BAZ1B: variants seen among roughly 807,000 people sequenced by gnomAD.
The protein encoded by BAZ1B is tyrosine-protein kinase BAZ1B.
A neutral mutation model predicts 153.8 loss-of-function variants in BAZ1B; 22 were observed. That is an observed-to-expected ratio of 0.14 (90% CI 0.10 to 0.20). The LOEUF is 0.20. Among genes scored for constraint, BAZ1B ranks in the 10% least tolerant of loss-of-function variants. BAZ1B has a pLI of 1.00. For synonymous variants in BAZ1B, 676 were observed against 633.4 expected, an observed-to-expected ratio of 1.07 and a Z score of -1.01; for missense variants, 1,325 against 1,799.3, an observed-to-expected ratio of 0.74 and a Z score of 4.77.
At chr7:73,447,189 G>A (rs1787869108) in intron 16 of BAZ1B, 75 bp downstream of exon 16, 2 of 1,610,936 alleles carry the variant, frequency 1.2e-6, no homozygotes, top group East Asian at 4.5e-5. Flanking sequence ...ACTACCTACT[G>A]CCAAGCCAGC....
At chr7:73,506,670 G>A (rs189428231) in intron 3 of BAZ1B, among the ~76,000 whole-genome samples, 8 of 149,860 alleles carry the variant, frequency 5.3e-5, no homozygotes, top group Non-Finnish European at 1.2e-4. Context: ...TGACCAACAT[G>A]GAGAGAACCC....
At position 73,478,357 on chromosome 7, in the gene BAZ1B, T is replaced by C; in HGVS notation, c.1104A>G (p.Glu368=). 3.1e-6 allele frequency: 5 copies of C among 1,612,328 alleles called. No individual in the cohort carries two copies. Among genetic ancestry groups the C allele is most frequent in the Non-Finnish European group, 4.2e-6 (5 of 1,179,638 alleles). ...NSKSPEEHLE[E]MMKMMSPNKL... ...TATTGGGCGACATCATCTTCATCAT[T>C]TCTTCTAGATGTTCTTCAGGAGATT... The change falls in exon 7 of 20, where the codon GAA becomes GAG. Residue 368 remains glutamate, a synonymous_variant. Transcript: ENST00000339594.
intron 1 of BAZ1B, among the ~76,000 whole-genome samples, chr7:73,517,177 C>A (rs1310520906): frequency 6.7e-6 from 1 of 148,928 alleles, no homozygotes; most frequent in African/African-American, 2.5e-5. Context: ...AGCAATAACC[C>A]AGCTCAAAAA....
In BAZ1B at chr7:73,440,602, G is replaced by A. The variant is rs1402217201; in HGVS notation, c.*1107C>T. On this transcript the variant is annotated 3_prime_UTR_variant, in exon 20 of 20. Coordinates refer to ENST00000339594, the MANE Select transcript of BAZ1B (RefSeq NM_032408.4). The stretch of plus-strand genomic sequence containing the variant: ...AGACTGGATGTAGGAGGCAGGGGAA[G>A]CTGGCGGTGGTGGGGTTATGAAGCT... 6.6e-6 allele frequency: 1 copy of A among 152,188 alleles called. No individual in the cohort carries two copies. Among genetic ancestry groups the A allele is most frequent in the African/African-American group, 2.4e-5 (1 of 41,448 alleles). The allele number at this position is 152,188 out of a possible 1,614,324, so 9.4% of individuals were successfully genotyped here. A position where few individuals can be genotyped will look rare whatever the true frequency, so the allele number is the denominator to read the frequency against.
At chr7:73,470,847 C>T (rs782571199) in intron 7 of BAZ1B, among the ~76,000 whole-genome samples, 8 of 152,100 alleles carry the variant, frequency 5.3e-5, no homozygotes, top group Non-Finnish European at 8.8e-5. Flanking sequence ...GCAATTCTCC[C>T]GCCTCAGCCT....
Position 73,478,548 on chromosome 7 carries a change from T to C in BAZ1B, c.913A>G (p.Thr305Ala). The change falls in exon 7 of 20, where the codon ACT becomes GCT. Residue 305 changes from threonine (T) to alanine (A), a missense_variant. Around this residue, in one of 9 missense-constraint regions of BAZ1B, gnomAD observed 219 missense variants for 248.2 expected, o/e 0.88. Transcript: ENST00000339594. Reference sequence around the variant, plus strand: ...GGGGATCCAGTATTCTTCCTCTTAGTAGAAGGGTTGAGAGTCATATACTAG... The same window carrying C: ...GGGGATCCAGTATTCTTCCTCTTAGCAGAAGGGTTGAGAGTCATATACTAG... ...PYKYMTLNPS[T>A]KRKNTGSPDR... The C allele has an allele frequency of 6.5e-7, 1 of 1,545,734 alleles. No homozygotes were observed. The highest frequency in any genetic ancestry group is 8.7e-7 in the Non-Finnish European group (1 of 1,149,076).
chr7:73,520,627 C>T (rs1790997549), intron 1 of BAZ1B, among the ~76,000 whole-genome samples: 1 of 152,190 alleles, frequency 6.6e-6, no homozygotes, highest in Admixed American at 6.6e-5. Flanking sequence ...CCAGCATGGA[C>T]TGATTTTCCA....
intron 6 of BAZ1B, among the ~76,000 whole-genome samples, chr7:73,488,263 T>C (rs1474703725): frequency 1.3e-5 from 2 of 152,138 alleles, no homozygotes; most frequent in African/African-American, 2.4e-5. Flanking sequence ...CAGGTAAAGC[T>C]TGAAATGGAA....
At chr7:73,462,143 G>A (rs548403872) in intron 12 of BAZ1B, among the ~76,000 whole-genome samples, 22 of 152,298 alleles carry the variant, frequency 1.4e-4, no homozygotes, top group African/African-American at 4.8e-4. Flanking sequence ...AACCTGAGAT[G>A]GGAGAATCAC....
intron 1 of BAZ1B, among the ~76,000 whole-genome samples, chr7:73,513,088 G>C (rs1790651741): frequency 6.6e-6 from 1 of 152,136 alleles, no homozygotes; most frequent in Non-Finnish European, 1.5e-5. Flanking sequence ...TGAGTAGCTA[G>C]GACTACAGGT....
In BAZ1B at chr7:73,521,744, G is replaced by A. The variant is rs1463296403; in HGVS notation, c.107+83C>T. 5.0e-6 allele frequency: 6 copies of A among 1,202,780 alleles called. No individual in the cohort carries two copies. In the East Asian group the frequency reaches 1.1e-4, roughly 21 times the overall value. The allele number at this position is 1,202,780 out of a possible 1,614,324, so 74.5% of individuals were successfully genotyped here. A position where few individuals can be genotyped will look rare whatever the true frequency, so the allele number is the denominator to read the frequency against. ...GACAGCTGCCCCGGGCCGGGGATGC[G>A]CGGCTGACCTGGTCTCGCGAGCCCC... On this transcript the variant is annotated intron_variant, in intron 1 of 19. Coordinates refer to ENST00000339594, the MANE Select transcript of BAZ1B (RefSeq NM_032408.4).
intron 7 of BAZ1B, among the ~76,000 whole-genome samples, chr7:73,474,737 T>C (rs1554572531): frequency 1.3e-5 from 2 of 152,176 alleles, no homozygotes; most frequent in African/African-American, 4.8e-5. Flanking sequence ...ATCACGCCAC[T>C]GCACTAGCCT....
chr7:73,515,531 CTTTTTTT>C (rs869065388), intron 1 of BAZ1B, among the ~76,000 whole-genome samples: 16 of 111,398 alleles, frequency 1.4e-4, no homozygotes, highest in East Asian at 1.3e-3. Context: ...AGCCTTGTTC[CTTTTTTT>C]TTTTTTTTTT....
chr7:73,512,091 C>T (rs1554578685), intron 1 of BAZ1B, among the ~76,000 whole-genome samples: 1 of 147,384 alleles, frequency 6.8e-6, no homozygotes, highest in Non-Finnish European at 1.5e-5. Flanking sequence ...GGTGACTAGG[C>T]CACAGTCTCA....
chr7:73,506,219 C>T lies in BAZ1B; in HGVS notation c.369+2108G>A, dbSNP rs550688791. ...CTGGATAATTAAAAAACAAATAAGG[C>T]CGGGCGCACTGGCTCATGCCTGTAA... On this transcript the variant is annotated intron_variant, in intron 3 of 19. Coordinates refer to ENST00000339594, the MANE Select transcript of BAZ1B (RefSeq NM_032408.4). Among the ~76,000 whole-genome samples, 5 of 152,234 alleles carry T rather than the reference C, an allele frequency of 3.3e-5. No individual in the cohort carries two copies. The East Asian group carries it at 9.6e-4, about 29-fold the overall frequency.
At chr7:73,459,270 A>G (rs1788310794) in intron 13 of BAZ1B, among the ~76,000 whole-genome samples, 1 of 151,700 alleles carries the variant, frequency 6.6e-6, no homozygotes, top group African/African-American at 2.4e-5. Flanking sequence ...CAAAAAAAAG[A>G]AAGTAAACTC....
intron 13 of BAZ1B, among the ~76,000 whole-genome samples, chr7:73,453,161 G>C (rs1364506779): frequency 6.6e-6 from 1 of 152,260 alleles, no homozygotes; most frequent in Non-Finnish European, 1.5e-5. Flanking sequence ...GCAAAGAGCA[G>C]TGGAAAATTT....
At chr7:73,517,827 AAT>A (rs1391852078) in intron 1 of BAZ1B, among the ~76,000 whole-genome samples, 1 of 152,222 alleles carries the variant, frequency 6.6e-6, no homozygotes, top group Non-Finnish European at 1.5e-5. Flanking sequence ...TCCTTATCAC[AAT>A]ATGCTGCTGC....
chr7:73,486,879 T>C (rs1000956666), intron 6 of BAZ1B, among the ~76,000 whole-genome samples: 3 of 152,248 alleles, frequency 2.0e-5, no homozygotes, highest in Non-Finnish European at 4.4e-5. Flanking sequence ...TGTGTTACTA[T>C]GTTTTGCCCT....
Sources: gnomAD v4.1 joint callset for allele counts (sites outside exome capture counted in the v4.1 genomes callset) on GRCh38, gnomAD v4.1.1 for gene constraint, gnomAD v4.1.1 regional missense constraint, MANE v1.5 for transcripts, NCBI Gene and HGNC (gene_info 2026-07-23, HGNC 2026-07-21) for gene names.